The following KREMEN1 variants were observed in gnomAD, a reference collection of about 807,000 sequenced individuals.
KREMEN1 encodes the protein kremen protein 1.
A neutral mutation model predicts 46.5 loss-of-function variants in KREMEN1; 30 were observed. That is an observed-to-expected ratio of 0.65 (90% CI 0.48 to 0.88). The LOEUF (loss-of-function observed/expected upper bound fraction) is 0.88. KREMEN1 is among the 40% of genes least tolerant of loss of function. The pLI is 0.00. For synonymous variants in KREMEN1, 214 were observed against 230.6 expected, an observed-to-expected ratio of 0.93 and a Z score of 0.65; for missense variants, 533 against 596.9, an observed-to-expected ratio of 0.89 and a Z score of 1.11.
chr22:29,125,514 A>G, intron 5 of KREMEN1, 98 bp downstream of exon 5: 1 of 1,248,932 alleles, frequency 8.0e-7, no homozygotes, highest in East Asian at 2.5e-5. Flanking sequence ...GTATTCATTC[A>G]TTCACTTGGC....
chr22:29,161,387 GT>G (rs1235758518), intron 9 of KREMEN1, among the ~76,000 whole-genome samples: 9 of 151,266 alleles, frequency 5.9e-5, no homozygotes, highest in Non-Finnish European at 1.3e-4. Flanking sequence ...GGCGCCTGTA[GT>G]CCCAACTACT....
intron 9 of KREMEN1, among the ~76,000 whole-genome samples, chr22:29,156,728 C>A (rs188691549): frequency 6.6e-6 from 1 of 152,230 alleles, no homozygotes; most frequent in Non-Finnish European, 1.5e-5. Flanking sequence ...AGGGCCTGCA[C>A]GCAGAGCTGG....
At chr22:29,105,904 A>G (rs188450614) in intron 3 of KREMEN1, among the ~76,000 whole-genome samples, 108 of 152,330 alleles carry the variant, frequency 7.1e-4, no homozygotes, top group Admixed American at 2.2e-3. Context: ...TTTTAACTAA[A>G]TAATACCTGG....
intron 3 of KREMEN1, among the ~76,000 whole-genome samples, chr22:29,110,922 G>T (rs1331875212): frequency 2.6e-5 from 4 of 152,192 alleles, no homozygotes; most frequent in African/African-American, 9.7e-5. Context: ...TAGGATACCA[G>T]CTGCAGCGTC....
In KREMEN1 at chr22:29,073,634, C is replaced by T. The variant is rs1338483491; in HGVS notation, c.97+407C>T. Among the ~76,000 whole-genome samples the T allele has an allele frequency of 2.0e-5, 3 of 151,944 alleles. No homozygotes were observed. The highest frequency in any genetic ancestry group is 7.2e-5 in the African/African-American group (3 of 41,386). On this transcript the variant is annotated intron_variant, in intron 1 of 8. Coordinates refer to ENST00000400335, the MANE Select transcript of KREMEN1 (RefSeq NM_001039570.3). The surrounding 1 kb of genome is among the most constrained non-coding windows in gnomAD (Gnocchi z 4.4). ...CCGGGACGCCCCCTCTCCCCGGTAC[C>T]TCCTGGGATCCCGTCCCAAGTCCCC... is the stretch of plus-strand genomic sequence containing the variant.
chr22:29,108,066 G>A (rs1048670200), intron 3 of KREMEN1, among the ~76,000 whole-genome samples: 7 of 152,194 alleles, frequency 4.6e-5, no homozygotes, highest in African/African-American at 7.2e-5. Context: ...TGGGCAGATC[G>A]CTTGAGCCCA....
intron 3 of KREMEN1, among the ~76,000 whole-genome samples, chr22:29,120,440 TGATGG>T (rs2038328416): frequency 1.0e-5 from 1 of 96,342 alleles, no homozygotes; most frequent in African/African-American, 4.7e-5. Context: ...GGAGAGGTGA[TGATGG>T]AAACAGGGAG....
chr22:29,117,524 A>G (rs2038261948), intron 3 of KREMEN1, among the ~76,000 whole-genome samples: 1 of 151,528 alleles, frequency 6.6e-6, no homozygotes, highest in Admixed American at 6.6e-5. Flanking sequence ...CCAAGATGGC[A>G]CCACTGCACT....
chr22:29,150,707 G>T (rs1038262068), downstream of KREMEN1, among the ~76,000 whole-genome samples: 2 of 152,212 alleles, frequency 1.3e-5, no homozygotes, highest in African/African-American at 2.4e-5. Context: ...CACAGGCGCA[G>T]CTTTTCCTGG....
chr22:29,105,228 TCTCTACTTTAAAGTACATC>T, intron 3 of KREMEN1, among the ~76,000 whole-genome samples: 1 of 152,292 alleles, frequency 6.6e-6, no homozygotes, highest in Non-Finnish European at 1.5e-5. Flanking sequence ...GTTTAGGGCT[TCTCTACTTTAAAGTACATC>T]CAGTCACCTG....
intron 9 of KREMEN1, among the ~76,000 whole-genome samples, chr22:29,155,633 C>CA (rs2038954841): frequency 6.6e-6 from 1 of 152,100 alleles, no homozygotes; most frequent in Non-Finnish European, 1.5e-5. Flanking sequence ...ATTACATGTG[C>CA]AAGTTTGAAA....
chr22:29,093,433 C>G (rs986832161), intron 1 of KREMEN1, among the ~76,000 whole-genome samples: 1 of 152,178 alleles, frequency 6.6e-6, no homozygotes, highest in Admixed American at 6.5e-5. Context: ...TGAACCTCTT[C>G]GAGTTTAATG....
chr22:29,090,981 T>TTTAC (rs986216642), intron 1 of KREMEN1, among the ~76,000 whole-genome samples: 11 of 151,946 alleles, frequency 7.2e-5, no homozygotes, highest in African/African-American at 2.4e-4. Flanking sequence ...ATTTTATTTA[T>TTTAC]TTATTTATTG....
At position 29,137,353 on chromosome 22, in the gene KREMEN1, G is replaced by C; in HGVS notation, c.643G>C (p.Ala215Pro). The C allele has an allele frequency of 6.8e-7, 1 of 1,476,114 alleles. No homozygotes were observed. The highest frequency in any genetic ancestry group is 9.0e-7 in the Non-Finnish European group (1 of 1,107,130). 91.4% of individuals were successfully genotyped at this position (1,476,114 alleles called of 1,614,324 possible). A position where few individuals can be genotyped will look rare whatever the true frequency, so the allele number is the denominator to read the frequency against. ...RIILFDTLVG[A>P]CGGNYSAMSS... ...TTTCTCTCCTACAGCTCTCGTGGGC[G>C]CCTGCGGTGGGAACTACTCAGCCAT... Residue 215 changes from alanine (A) to proline (P), a missense_variant, in exon 6 of 9, where the codon GCC becomes CCC. Physicochemically the swap from Ala to Pro is conservative, Grantham distance 27. Coordinates refer to ENST00000400335, the MANE Select transcript of KREMEN1 (RefSeq NM_001039570.3).
downstream of KREMEN1, among the ~76,000 whole-genome samples, chr22:29,150,714 C>G (rs1174616620): frequency 6.6e-6 from 1 of 152,184 alleles, no homozygotes; most frequent in African/African-American, 2.4e-5. Context: ...GCAGCTTTTC[C>G]TGGGTCTGAG....
At chr22:29,081,179 G>C (rs946550536) in intron 1 of KREMEN1, among the ~76,000 whole-genome samples, 1 of 151,946 alleles carries the variant, frequency 6.6e-6, no homozygotes. Flanking sequence ...GCCTGCCTAG[G>C]AACAGTTGAT....
At chr22:29,134,865 C>T (rs2038631859) in intron 5 of KREMEN1, among the ~76,000 whole-genome samples, 1 of 152,140 alleles carries the variant, frequency 6.6e-6, no homozygotes, top group South Asian at 2.1e-4. Flanking sequence ...GGAGTTCCCA[C>T]ATGCCTGTGC....
chr22:29,131,171 C>T (rs549154671), intron 5 of KREMEN1, among the ~76,000 whole-genome samples: 1 of 152,038 alleles, frequency 6.6e-6, no homozygotes, highest in Non-Finnish European at 1.5e-5. Flanking sequence ...CATGACCCCA[C>T]GAGAGAGAAA....
intron 5 of KREMEN1, among the ~76,000 whole-genome samples, chr22:29,131,754 A>G (rs901479668): frequency 7.5e-6 from 1 of 133,616 alleles, no homozygotes; most frequent in Non-Finnish European, 1.5e-5. Context: ...ATATGTATAT[A>G]TGTATATATA....
Sources: gnomAD v4.1 joint callset for allele counts (sites outside exome capture counted in the v4.1 genomes callset) on GRCh38, gnomAD v4.1.1 for gene constraint, Gnocchi (gnomAD v3.1) non-coding constraint, MANE v1.5 for transcripts, NCBI Gene and HGNC (gene_info 2026-07-23, HGNC 2026-07-21) for gene names.